The following SPATS2L variants were observed in gnomAD, a reference collection of about 807,000 sequenced individuals.
The protein encoded by SPATS2L is spermatogenesis associated serine rich 2 like.
SPATS2L carries 30 observed loss-of-function variants against 59.6 expected under a neutral mutation model. The ratio of observed to expected loss-of-function variants is 0.50; its 90% CI spans 0.38 to 0.68. The LOEUF is 0.68. Ranked by LOEUF, SPATS2L falls within the 30% of genes least tolerant of loss-of-function variation. The pLI, the probability that SPATS2L is intolerant of heterozygous loss-of-function variation, is 0.00. For synonymous variants in SPATS2L, 252 were observed against 263.5 expected (o/e 0.96, Z 0.42); for missense variants, 615 against 700.0 (o/e 0.88, Z 1.37).
chr2:200,409,106 G>A (rs1321773092), intron 3 of SPATS2L, among the ~76,000 whole-genome samples: 1 of 152,210 alleles, frequency 6.6e-6, no homozygotes, highest in Non-Finnish European at 1.5e-5. Flanking sequence ...GTTAGCCTGG[G>A]CTGTGGCAAT....
intron 2 of SPATS2L, among the ~76,000 whole-genome samples, chr2:200,379,061 G>A (rs1264019391): frequency 6.6e-6 from 1 of 152,134 alleles, no homozygotes; most frequent in Non-Finnish European, 1.5e-5. Flanking sequence ...TGAGCCAGCT[G>A]AATTCCAACT....
At chr2:200,364,098 G>T (rs1371327322) in intron 2 of SPATS2L, among the ~76,000 whole-genome samples, 1 of 152,186 alleles carries the variant, frequency 6.6e-6, no homozygotes. Flanking sequence ...TTGAAGATGG[G>T]GGAAGGAGAC....
rs1408416668 is a variant in SPATS2L at position 200,481,629 on chromosome 2, C to T, written c.*3598C>T. On this transcript the variant is annotated 3_prime_UTR_variant, in exon 13 of 13. Transcript: ENST00000409140. ...TACAGATGGTAAAACGTTTATTTCTCAACAGACATTCCAGTGATAGCATCC... is the reference window on the plus strand; with the variant it reads ...TACAGATGGTAAAACGTTTATTTCTTAACAGACATTCCAGTGATAGCATCC... 6.6e-6 allele frequency: 1 copy of T among 152,250 alleles called. No homozygotes were observed. The highest frequency in any genetic ancestry group is 2.4e-5 in the African/African-American group (1 of 41,456). The allele number at this position is 152,250 out of a possible 1,614,324, so 9.4% of individuals were successfully genotyped here.
chr2:200,408,573 A>G (rs999790691), intron 3 of SPATS2L, among the ~76,000 whole-genome samples: 3 of 152,248 alleles, frequency 2.0e-5, no homozygotes, highest in African/African-American at 7.2e-5. Flanking sequence ...CAGGAAGCCA[A>G]GAAGAATTTC....
At chr2:200,416,273 C>CAAAAAAAAAAAAA (rs5837739) in intron 4 of SPATS2L, 106 bp from the exon 5 acceptor site, 1 of 318,468 alleles carries the variant, frequency 3.1e-6, no homozygotes. Flanking sequence ...ATGAAAAAGC[C>CAAAAAAAAAAAAA]AAAAAAAAAA....
At chr2:200,414,687 A>G (rs1028233610) in intron 4 of SPATS2L, among the ~76,000 whole-genome samples, 1 of 152,120 alleles carries the variant, frequency 6.6e-6, no homozygotes, top group Non-Finnish European at 1.5e-5. Context: ...AGTCAAAAAT[A>G]TTTGTTAGGA....
In SPATS2L at chr2:200,422,537, C is replaced by CAA. The variant is rs34573978; in HGVS notation, c.445+3055_445+3056dup. 2.1e-3 allele frequency among the ~76,000 whole-genome samples: 283 copies of CAA among 133,130 alleles called. 6 individuals carry two copies. The highest frequency in any genetic ancestry group is 4.0e-3 in the African/African-American group (129 of 32,636). 87.3% of individuals were successfully genotyped at this position (133,130 alleles called of 152,430 possible). On this transcript the variant is annotated intron_variant, in intron 6 of 12. Coordinates refer to ENST00000409140, the MANE Select transcript of SPATS2L (RefSeq NM_001100423.2). ...GGACAGCAGAGTGAGTAAGACTCCT[C>CAA]AAAAAAAAAAAAAAAGGGGGAGGAA...
chr2:200,380,681 G>A (rs17531743), intron 2 of SPATS2L, among the ~76,000 whole-genome samples: 13,266 of 152,254 alleles, frequency 0.087, 768 homozygotes, highest in Non-Finnish European at 0.13. Flanking sequence ...TTCAAAAGAG[G>A]CCAAGCCAGA....
chr2:200,393,918 A>G (rs1156523383), intron 3 of SPATS2L, among the ~76,000 whole-genome samples: 2 of 152,232 alleles, frequency 1.3e-5, no homozygotes, highest in Admixed American at 6.5e-5. Flanking sequence ...TTGGAATCCA[A>G]TGAGTTCATC....
At chr2:200,406,431 G>A (rs1419887755) in intron 3 of SPATS2L, among the ~76,000 whole-genome samples, 2 of 151,092 alleles carry the variant, frequency 1.3e-5, no homozygotes, top group Non-Finnish European at 2.9e-5. Context: ...AAAAAAAGAG[G>A]TTATTATTAT....
intron 2 of SPATS2L, among the ~76,000 whole-genome samples, chr2:200,385,936 G>A (rs937529060): frequency 6.6e-5 from 10 of 152,188 alleles, no homozygotes; most frequent in Admixed American, 1.3e-4. Flanking sequence ...CTCGTGATCC[G>A]CCCACCTTGG....
intron 2 of SPATS2L, among the ~76,000 whole-genome samples, chr2:200,333,572 T>A (rs1172112075): frequency 6.6e-6 from 1 of 152,154 alleles, no homozygotes; most frequent in Non-Finnish European, 1.5e-5. Context: ...TACATATGTA[T>A]ACATGTGCCA....
At chr2:200,327,559 T>A (rs1045673555) in intron 1 of SPATS2L, among the ~76,000 whole-genome samples, 2 of 152,252 alleles carry the variant, frequency 1.3e-5, no homozygotes, top group Admixed American at 6.5e-5. Context: ...TATTAAAAAT[T>A]TAATCCATAA....
intron 6 of SPATS2L, among the ~76,000 whole-genome samples, chr2:200,432,876 C>T (rs953875791): frequency 6.6e-6 from 1 of 151,972 alleles, no homozygotes; most frequent in Non-Finnish European, 1.5e-5. Context: ...AGAAACTATG[C>T]CAACTGAAGA....
intron 8 of SPATS2L, among the ~76,000 whole-genome samples, chr2:200,456,938 A>C (rs2085878272): frequency 6.6e-6 from 1 of 152,044 alleles, no homozygotes; most frequent in Non-Finnish European, 1.5e-5. Context: ...CTATTTCCCC[A>C]ATGAGTCCTG....
chr2:200,328,425 A>G (rs1339317463), intron 1 of SPATS2L, among the ~76,000 whole-genome samples: 1 of 152,224 alleles, frequency 6.6e-6, no homozygotes, highest in African/African-American at 2.4e-5. Flanking sequence ...TCCAAAAGAA[A>G]GTCACAGTTG....
At chr2:200,342,129 T>C (rs951827541) in intron 2 of SPATS2L, among the ~76,000 whole-genome samples, 3 of 152,210 alleles carry the variant, frequency 2.0e-5, no homozygotes, top group Non-Finnish European at 4.4e-5. Context: ...CTATTCACCA[T>C]ATACCATGGA....
At chr2:200,431,236 A>G (rs1395300907) in intron 6 of SPATS2L, among the ~76,000 whole-genome samples, 2 of 152,216 alleles carry the variant, frequency 1.3e-5, no homozygotes, top group Non-Finnish European at 2.9e-5. Flanking sequence ...GAGGGATGGA[A>G]CTTTTTAAGA....
At position 200,360,942 on chromosome 2, in the gene SPATS2L, T is replaced by TAGAACAGAAC. The variant is rs2081078417; in HGVS notation, c.-22-28277_-22-28268dup. Among the ~76,000 whole-genome samples the TAGAACAGAAC allele has an allele frequency of 2.0e-5, 3 of 147,290 alleles. No individual in the cohort carries two copies. In the South Asian group the frequency reaches 6.7e-4, roughly 33 times the overall value. Reference sequence around the variant, plus strand: ...ATCATCTGGTTTCCCAATGGTAGGATAGAACAGAACAGAGCAGAACAGGGC... The same window carrying TAGAACAGAAC: ...ATCATCTGGTTTCCCAATGGTAGGATAGAACAGAACAGAACAGAACAGAGCAGAACAGGGC... On this transcript the variant is annotated intron_variant, in intron 2 of 12. Transcript: ENST00000409140.
Sources: allele counts gnomAD v4.1 joint callset (sites outside exome capture counted in the v4.1 genomes callset), GRCh38; gene constraint gnomAD v4.1.1; transcripts MANE v1.5; gene names NCBI Gene and HGNC (gene_info 2026-07-23, HGNC 2026-07-21).